Variants in ANGPTL2 observed in about 807,000 individuals in gnomAD.
ANGPTL2 encodes angiopoietin like 2, also known as angiopoietin-related protein 2.
ANGPTL2 carries 25 observed loss-of-function variants against 52.8 expected under a neutral mutation model. That is an observed-to-expected ratio of 0.47 (90% CI 0.35 to 0.66). ANGPTL2 has a LOEUF of 0.66. ANGPTL2 is among the 30% of genes least tolerant of loss of function. The probability of loss-of-function intolerance (pLI) is 0.01; values close to 1 mark genes in which losing one functional copy is unlikely to be tolerated. For missense variants in ANGPTL2, 546 were observed against 656.9 expected (o/e 0.83, Z 1.84); for synonymous variants, 276 against 277.4 (o/e 1.00, Z 0.05).
chr9:127,098,018 G>C (rs2053324845), intron 2 of ANGPTL2, among the ~76,000 whole-genome samples: 1 of 152,166 alleles, frequency 6.6e-6, no homozygotes, highest in Admixed American at 6.5e-5. Flanking sequence ...ATCCCTTTCT[G>C]TTTCCTTTGA....
At position 127,088,875 on chromosome 9, in the gene ANGPTL2, G is replaced by A; in HGVS notation, c.*64C>T. The A allele has an allele frequency of 6.9e-6, 11 of 1,586,992 alleles. No homozygotes were observed. Among genetic ancestry groups the A allele is most frequent in the Non-Finnish European group, 7.8e-6 (9 of 1,156,440 alleles). On this transcript the variant is annotated 3_prime_UTR_variant, in exon 5 of 5. Transcript: ENST00000373425. ...CTGGTGAGGAGTTGTTCTTTGTGCT[G>A]TGGCCAGCGTGACCAGGGTGGGCTC...
At position 127,087,966 on chromosome 9, in the gene ANGPTL2, G is replaced by A. The variant is rs533620477; in HGVS notation, c.*973C>T. ...CTGCGAGTACATTATCTATACGGCCGGTGGAGCTTTTGGCCTGGCCTTCCC... is the reference window on the plus strand; with the variant it reads ...CTGCGAGTACATTATCTATACGGCCAGTGGAGCTTTTGGCCTGGCCTTCCC... On this transcript the variant is annotated 3_prime_UTR_variant, in exon 5 of 5. Transcript: ENST00000373425. The A allele has an allele frequency of 1.2e-4, 19 of 152,724 alleles. 1 individual carries two copies. Among genetic ancestry groups the A allele is most frequent in the Admixed American group, 9.8e-4 (15 of 15,292 alleles). The allele number at this position is 152,724 out of a possible 1,614,324, so 9.5% of individuals were successfully genotyped here.
In ANGPTL2 at chr9:127,108,198, G is replaced by T; in HGVS notation, c.534C>A (p.Asp178Glu). 1 of 1,614,126 alleles carries T rather than the reference G, an allele frequency of 6.2e-7. No individual in the cohort carries two copies. Among genetic ancestry groups the T allele is most frequent in the Non-Finnish European group, 8.5e-7 (1 of 1,180,010 alleles). Residue 178 changes from aspartate to glutamate, a missense_variant, in exon 2 of 5, where the codon GAC (aspartate) becomes GAA (glutamate). By Grantham distance (45) the Asp-to-Glu change is conservative (BLOSUM62 2). Coordinates refer to ENST00000373425, the MANE Select transcript of ANGPTL2 (RefSeq NM_012098.3). Reference protein sequence around the residue: ...DMLQLASKYKDLEHKYQHLAT... With the variant: ...DMLQLASKYKELEHKYQHLAT... ...CCAGGTGCTGGTACTTGTGCTCCAGGTCCTTGTACTTGCTGGCCAGCTGCA... is the reference window on the plus strand; with the variant it reads ...CCAGGTGCTGGTACTTGTGCTCCAGTTCCTTGTACTTGCTGGCCAGCTGCA...
rs1012988623 is a variant in ANGPTL2, at chr9:127,108,784, A to C, written c.-49-4T>G. The C allele has an allele frequency of 6.5e-7, 1 of 1,529,180 alleles. No individual in the cohort carries two copies. The highest frequency in any genetic ancestry group is 1.4e-5 in the African/African-American group (1 of 73,482). 94.7% of individuals were successfully genotyped at this position (1,529,180 alleles called of 1,614,324 possible). A position where few individuals can be genotyped will look rare whatever the true frequency, so the allele number is the denominator to read the frequency against. On this transcript the variant is annotated splice_region_variant and splice_polypyrimidine_tract_variant and intron_variant, in intron 1 of 4. Coordinates refer to ENST00000373425, the MANE Select transcript of ANGPTL2 (RefSeq NM_012098.3). ...TGTGAATAGAATCTATGAAAGCCTG[A>C]AAGTAAACAGAGGGGAGAATCAGTG...
chr9:127,098,434 G>A (rs181503764), intron 2 of ANGPTL2, among the ~76,000 whole-genome samples: 1 of 152,316 alleles, frequency 6.6e-6, no homozygotes, highest in East Asian at 1.9e-4. Context: ...ACATTCTTGG[G>A]GGAGCTGTGG....
At chr9:127,106,674 G>A (rs2054248356) in intron 2 of ANGPTL2, among the ~76,000 whole-genome samples, 1 of 152,132 alleles carries the variant, frequency 6.6e-6, no homozygotes, top group Non-Finnish European at 1.5e-5. Context: ...TCTTTCCTTT[G>A]AGGTGCTGCA....
intron 2 of ANGPTL2, 32 bp downstream of exon 2, chr9:127,107,883 C>T (rs1459389946): frequency 8.6e-6 from 13 of 1,509,730 alleles, no homozygotes; most frequent in Non-Finnish European, 1.2e-5. Flanking sequence ...GGCTCTGAGA[C>T]CCACATGTAA....
At chr9:127,116,201 T>G (rs1281894522) in intron 1 of ANGPTL2, among the ~76,000 whole-genome samples, 1 of 152,086 alleles carries the variant, frequency 6.6e-6, no homozygotes, top group Non-Finnish European at 1.5e-5. Context: ...GGAGTAGCAC[T>G]GGGGGTTCGA....
intron 2 of ANGPTL2, among the ~76,000 whole-genome samples, chr9:127,106,091 A>G (rs990714404): frequency 6.6e-6 from 1 of 152,190 alleles, no homozygotes. Flanking sequence ...TTCCTATACT[A>G]TGTATCTGCC....
Position 127,093,769 on chromosome 9 carries a change from G to A in ANGPTL2, c.975C>T (p.Gly325=), listed in dbSNP as rs2052770426. The A allele has an allele frequency of 6.2e-7, 1 of 1,613,916 alleles. No individual in the cohort carries two copies. Among genetic ancestry groups the A allele is most frequent in the South Asian group, 1.1e-5 (1 of 91,066 alleles). The stretch of plus-strand genomic sequence containing the variant: ...CCCAGTTCCTGAAGAAGTTAACAGA[G>A]CCATCCAGGCGTCTCTGGATGACGG... ...GWTVIQRRLD[G]SVNFFRNWET... is the part of the protein sequence containing the mutation. Residue 325 remains glycine (G), a synonymous_variant, in exon 3 of 5, where the codon GGC becomes GGT. Transcript: ENST00000373425.
At position 127,100,369 on chromosome 9, in the gene ANGPTL2, C is replaced by T. The variant is rs151147070; in HGVS notation, c.818-6443G>A. Among the ~76,000 whole-genome samples, 8 of 152,338 alleles carry T rather than the reference C, an allele frequency of 5.3e-5. No homozygotes were observed. The East Asian group carries it at 1.5e-3, about 29-fold the overall frequency. Reference sequence around the variant, plus strand: ...GGCTTATAAAGGTCCTGTTTCTGCTCATTTGACCTCGGGAGAAACAGACAT... The same window carrying T: ...GGCTTATAAAGGTCCTGTTTCTGCTTATTTGACCTCGGGAGAAACAGACAT... On this transcript the variant is annotated intron_variant, in intron 2 of 4. Coordinates refer to ENST00000373425, the MANE Select transcript of ANGPTL2 (RefSeq NM_012098.3).
At chr9:127,107,191 A>G (rs2054299229) in intron 2 of ANGPTL2, 1 of 152,230 alleles carries the variant, frequency 6.6e-6, no homozygotes, top group African/African-American at 2.4e-5. Context: ...CCTATTAGCA[A>G]GTTATTCATC....
rs2052765196 is a variant in ANGPTL2 at position 127,093,730 on chromosome 9, C to T, written c.1011+3G>A. ...AGCACAGACATCCCCTGCCGAGTCT[C>T]ACCTTGTACGTCTCCCAGTTCCTGA... is the stretch of plus-strand genomic sequence containing the variant. On this transcript the variant is annotated splice_donor_region_variant and intron_variant, in intron 3 of 4. Transcript: ENST00000373425. The T allele has an allele frequency of 1.9e-6, 3 of 1,613,940 alleles. No individual in the cohort carries two copies. The highest frequency in any genetic ancestry group is 2.2e-5 in the East Asian group (1 of 44,864).
intron 2 of ANGPTL2, among the ~76,000 whole-genome samples, chr9:127,098,316 T>C (rs758489221): frequency 1.3e-5 from 2 of 152,186 alleles, no homozygotes; most frequent in Non-Finnish European, 2.9e-5. Context: ...TTGGCGCCCC[T>C]TCTGAGAGGG....
At position 127,087,365 on chromosome 9, in the gene ANGPTL2, A is replaced by G. The variant is rs956676317; in HGVS notation, c.*1574T>C. On this transcript the variant is annotated 3_prime_UTR_variant, in exon 5 of 5. Coordinates refer to ENST00000373425, the MANE Select transcript of ANGPTL2 (RefSeq NM_012098.3). Reference sequence around the variant, plus strand: ...CATCCAAATAGCACTGATGGCTTTTATTGCAGATTCGTGTCATTACAAGGA... The same window carrying G: ...CATCCAAATAGCACTGATGGCTTTTGTTGCAGATTCGTGTCATTACAAGGA... 2.0e-5 allele frequency: 3 copies of G among 152,608 alleles called. No homozygotes were observed. Among genetic ancestry groups the G allele is most frequent in the Non-Finnish European group, 2.9e-5 (2 of 68,028 alleles). 9.5% of individuals were successfully genotyped at this position (152,608 alleles called of 1,614,324 possible).
intron 1 of ANGPTL2, among the ~76,000 whole-genome samples, chr9:127,119,341 A>G (rs538162044): frequency 1.3e-5 from 2 of 152,306 alleles, no homozygotes; most frequent in East Asian, 1.9e-4. Context: ...GCAGCATTCG[A>G]TAGGACAGCA....
intron 2 of ANGPTL2, among the ~76,000 whole-genome samples, chr9:127,097,253 TAGA>T (rs778998020): frequency 1.3e-5 from 2 of 152,276 alleles, no homozygotes; most frequent in Admixed American, 6.5e-5. Context: ...TGTTATGATG[TAGA>T]AGAAGTTTTT....
chr9:127,095,424 T>C (rs1284497082), intron 2 of ANGPTL2, among the ~76,000 whole-genome samples: 6 of 152,034 alleles, frequency 3.9e-5, no homozygotes, highest in Non-Finnish European at 7.4e-5. Context: ...TAAATAAAAA[T>C]CCCCACAATG....
chr9:127,100,324 A>G (rs1250768652), intron 2 of ANGPTL2, among the ~76,000 whole-genome samples: 1 of 152,170 alleles, frequency 6.6e-6, no homozygotes, highest in Non-Finnish European at 1.5e-5. Flanking sequence ...CTCAAGTAAG[A>G]GCTCTTAGGG....
Sources: allele counts gnomAD v4.1 joint callset (sites outside exome capture counted in the v4.1 genomes callset), GRCh38; gene constraint gnomAD v4.1.1; transcripts MANE v1.5; gene names NCBI Gene and HGNC (gene_info 2026-07-23, HGNC 2026-07-21).